The following PROSER1 variants were observed in gnomAD, a reference collection of about 807,000 sequenced individuals.
PROSER1 encodes the protein proline and serine-rich protein 1.
Under a neutral mutation model 71.8 loss-of-function variants are expected in PROSER1, and 36 were observed. The ratio of observed to expected loss-of-function variants is 0.50; its 90% CI spans 0.38 to 0.66. The LOEUF (loss-of-function observed/expected upper bound fraction) is 0.66, where lower values mean the gene tolerates loss of function less well. Ranked by LOEUF, PROSER1 falls within the 30% of genes least tolerant of loss-of-function variation. The pLI is 0.00. For missense variants in PROSER1, 1,107 were observed against 1,135.0 expected (o/e 0.98, Z 0.35); for synonymous variants, 490 against 452.4 (o/e 1.08, Z -1.06).
chr13:39,019,755 A>G (rs1870202191), intron 9 of PROSER1, among the ~76,000 whole-genome samples: 1 of 151,934 alleles, frequency 6.6e-6, no homozygotes, highest in East Asian at 1.9e-4. Flanking sequence ...GAATAGAAGA[A>G]TAATGAAAAT....
intron 1 of PROSER1, among the ~76,000 whole-genome samples, chr13:39,035,395 C>A (rs896253407): frequency 1.4e-4 from 22 of 152,160 alleles, no homozygotes; most frequent in African/African-American, 5.1e-4. Context: ...CTGCCCCCAG[C>A]CCCCAACTTA....
chr13:39,026,837 G>A (rs150927843), intron 5 of PROSER1, among the ~76,000 whole-genome samples: 1 of 152,018 alleles, frequency 6.6e-6, no homozygotes, highest in Non-Finnish European at 1.5e-5. Flanking sequence ...GACATTGGGT[G>A]GTCCAAAGAC....
intron 1 of PROSER1, among the ~76,000 whole-genome samples, 154 bp downstream of exon 1, chr13:39,037,044 T>C (rs1290983044): frequency 1.3e-5 from 2 of 152,194 alleles, no homozygotes; most frequent in Non-Finnish European, 2.9e-5. Context: ...TGGAAACGTA[T>C]CAAGATATAA....
At chr13:39,017,621 AAAAG>A (rs1870068931) in intron 9 of PROSER1, 77 bp from the exon 10 acceptor site, 12 of 786,196 alleles carry the variant, frequency 1.5e-5, no homozygotes, top group Non-Finnish European at 2.2e-5. Context: ...TATTTGGATA[AAAAG>A]AAAAACACAG....
Position 39,012,814 on chromosome 13 carries a change from G to A in PROSER1, c.2438C>T (p.Ser813Phe), listed in dbSNP as rs1433879208. Residue 813 changes from serine (S) to phenylalanine (F), a missense_variant, in exon 11 of 13, where the codon TCT becomes TTT. Physicochemically the swap from Ser to Phe is radical, Grantham distance 155. Coordinates refer to ENST00000352251, the MANE Select transcript of PROSER1 (RefSeq NM_025138.5). ...LPSFPGLQAP[S>F]TVAAVTPLPV... The stretch of plus-strand genomic sequence containing the variant: ...TAGTGGTGTGACAGCTGCGACTGTA[G>A]AGGGCGCCTGCAGCCCCGGGAATGA... 6.2e-7 allele frequency: 1 copy of A among 1,614,212 alleles called. No homozygotes were observed. The highest frequency in any genetic ancestry group is 1.3e-5 in the African/African-American group (1 of 75,054).
At chr13:39,022,676 T>A in intron 8 of PROSER1, 2 of 423,188 alleles carry the variant, frequency 4.7e-6, no homozygotes, top group Non-Finnish European at 8.4e-6. Context: ...AGGCAGAACC[T>A]GCTATACTTA....
Position 39,026,381 on chromosome 13 carries a change from T to C in PROSER1, c.376A>G (p.Lys126Glu). ...RCKRILEQAF[K>E]GGCKAPHAMI... ...GCATGAGGAGCTTTGCAGCCCCCCT[T>C]GAAAGCCTGTAATATAAGAAAGAAG... The change falls in exon 6 of 13, where the codon AAG (lysine) becomes GAG (glutamate). Residue 126 changes from lysine to glutamate, a missense_variant. Lys to Glu is a moderately conservative substitution (Grantham distance 56). Transcript: ENST00000352251. 6.2e-7 allele frequency: 1 copy of C among 1,606,180 alleles called. No homozygotes were observed. The highest frequency in any genetic ancestry group is 8.5e-7 in the Non-Finnish European group (1 of 1,175,864).
intron 10 of PROSER1, among the ~76,000 whole-genome samples, chr13:39,016,845 CCTAA>C (rs1371032000): frequency 3.3e-5 from 5 of 152,192 alleles, no homozygotes; most frequent in African/African-American, 1.2e-4. Flanking sequence ...CACTGAGACT[CCTAA>C]CTATGTACTA....
Position 39,014,020 on chromosome 13 carries a change from C to A in PROSER1, c.1232G>T (p.Ser411Ile), listed in dbSNP as rs756330733. Residue 411 changes from serine (S) to isoleucine (I), a missense_variant, in exon 11 of 13, where the codon AGC (serine) becomes ATC (isoleucine). Physicochemically the swap from Ser to Ile is moderately radical, Grantham distance 142 (BLOSUM62 -2). Transcript: ENST00000352251. ...GTTGCTGGTAGAAGCAGCAGAAGAG[C>A]TGGTGGAAAAGGGGAGGCTAGTGAA... The part of the protein sequence containing the change: ...APFTSLPFST[S>I]SSAASTSNPN... 2 of 1,614,024 alleles carry A rather than the reference C, an allele frequency of 1.2e-6. No individual in the cohort carries two copies. Among genetic ancestry groups the A allele is most frequent in the Admixed American group, 1.7e-5 (1 of 59,998 alleles).
At position 39,009,929 on chromosome 13, in the gene PROSER1, G is replaced by A. The variant is rs1869557377; in HGVS notation, c.*1436C>T. ...AACAAATGGCAACTTCCAGCAACTG[G>A]TATCAGATTAAACTATAGCTTACAT... On this transcript the variant is annotated 3_prime_UTR_variant, in exon 13 of 13. Coordinates refer to ENST00000352251, the MANE Select transcript of PROSER1 (RefSeq NM_025138.5). 6.6e-6 allele frequency: 1 copy of A among 152,586 alleles called. No homozygotes were observed. The highest frequency in any genetic ancestry group is 2.1e-4 in the South Asian group (1 of 4,832). The allele number at this position is 152,586 out of a possible 1,614,324, so 9.5% of individuals were successfully genotyped here.
At chr13:39,028,352 T>G in intron 4 of PROSER1, 32 bp from the exon 5 acceptor site, 1 of 1,347,240 alleles carries the variant, frequency 7.4e-7, no homozygotes, top group Non-Finnish European at 1.1e-6. Flanking sequence ...GCTTTTTGTT[T>G]AAAAATCTGA....
chr13:39,012,763 G>C lies in PROSER1; in HGVS notation c.2489C>G (p.Pro830Arg), dbSNP rs375193710. The C allele has an allele frequency of 7.4e-6, 12 of 1,613,648 alleles. No homozygotes were observed. Among genetic ancestry groups the C allele is most frequent in the Non-Finnish European group, 9.3e-6 (11 of 1,179,720 alleles). The change falls in exon 11 of 13, where the codon CCA becomes CGA. Residue 830 changes from proline (P) to arginine (R), a missense_variant. Transcript: ENST00000352251. ...GGCGAATCCTGGGAGGACTGGAGCT[G>C]GGGATGGGGCTGTGGCAGCCACAGG... ...PLPVAATAPS[P>R]APVLPGFASA... is the part of the protein sequence containing the mutation.
chr13:39,014,710 C>T (rs1869926342), intron 10 of PROSER1, among the ~76,000 whole-genome samples: 1 of 152,184 alleles, frequency 6.6e-6, no homozygotes, highest in African/African-American at 2.4e-5. Flanking sequence ...CTCCAAATCA[C>T]AGGAAGTTTT....
intron 3 of PROSER1, among the ~76,000 whole-genome samples, chr13:39,029,749 T>C (rs1014554503): frequency 6.6e-6 from 1 of 152,152 alleles, no homozygotes; most frequent in Non-Finnish European, 1.5e-5. Flanking sequence ...AAAACATTAC[T>C]ATACTCCTCA....
At chr13:39,034,612 T>C (rs149672323) in intron 1 of PROSER1, among the ~76,000 whole-genome samples, 14 of 152,350 alleles carry the variant, frequency 9.2e-5, no homozygotes, top group African/African-American at 2.4e-4. Context: ...ATATCTACTA[T>C]GTGCTAAGTG....
At chr13:39,034,030 G>T in intron 2 of PROSER1, 101 bp downstream of exon 2, 1 of 784,690 alleles carries the variant, frequency 1.3e-6, no homozygotes, top group Non-Finnish European at 2.0e-6. Flanking sequence ...AATAAATACA[G>T]CAAAAAGGTA....
intron 8 of PROSER1, chr13:39,022,820 G>A (rs1870358164): frequency 2.3e-6 from 1 of 433,456 alleles, no homozygotes; most frequent in African/African-American, 2.0e-5. Context: ...CATAAATAAT[G>A]AATGACTAAA....
Position 39,022,333 on chromosome 13 carries a change from T to C in PROSER1, c.723A>G (p.Val241=). The part of the protein sequence containing the change: ...PPPPPYTPNP[V]GTENEDLSNP... ...CCCCAAATAACATTTTACCTGTTCC[T>C]ACAGGATTAGGAGTATATGGAGGTG... Residue 241 remains valine, a synonymous_variant, in exon 9 of 13, where the codon GTA becomes GTG. Transcript: ENST00000352251. The C allele has an allele frequency of 6.2e-7, 1 of 1,604,990 alleles. No individual in the cohort carries two copies. Among genetic ancestry groups the C allele is most frequent in the African/African-American group, 1.3e-5 (1 of 74,836 alleles).
chr13:39,017,491 G>T lies in PROSER1; in HGVS notation c.775+9C>A. 6.6e-7 allele frequency: 1 copy of T among 1,519,412 alleles called. No individual in the cohort carries two copies. The highest frequency in any genetic ancestry group is 1.7e-4 in the Middle Eastern group (1 of 5,872). The allele number at this position is 1,519,412 out of a possible 1,614,324, so 94.1% of individuals were successfully genotyped here. ...TATCCGTTATCTCTGGATCAAATTTGCTACTTACTTTGATTCTGTATAGGT... is the reference window on the plus strand; with the variant it reads ...TATCCGTTATCTCTGGATCAAATTTTCTACTTACTTTGATTCTGTATAGGT... On this transcript the variant is annotated intron_variant, in intron 10 of 12. Transcript: ENST00000352251.
Sources: allele counts gnomAD v4.1 joint callset (sites outside exome capture counted in the v4.1 genomes callset), GRCh38; gene constraint gnomAD v4.1.1; transcripts MANE v1.5; gene names NCBI Gene and HGNC (gene_info 2026-07-23, HGNC 2026-07-21).